ANO3: variants seen among roughly 807,000 people sequenced by gnomAD.
ANO3 encodes the protein anoctamin 3.
ANO3 carries 99 observed loss-of-function variants against 144.8 expected under a neutral mutation model. The observed-to-expected ratio is 0.68, with a 90% CI of 0.58 to 0.81. The LOEUF (loss-of-function observed/expected upper bound fraction) is 0.81. Ranked by LOEUF, ANO3 falls within the 30% of genes least tolerant of loss-of-function variation. The pLI, the probability that ANO3 is intolerant of heterozygous loss-of-function variation, is 0.00. For synonymous variants in ANO3, 414 were observed against 392.6 expected (o/e 1.05, Z -0.64); for missense variants, 905 against 1,202.2 (o/e 0.75, Z 3.66).
intron 1 of ANO3, among the ~76,000 whole-genome samples, chr11:26,190,968 T>C (rs992117713): frequency 6.6e-6 from 1 of 152,238 alleles, no homozygotes; most frequent in African/African-American, 2.4e-5. Context: ...TTTGTATGCA[T>C]ATTGGTTAAT....
chr11:26,588,104 G>A (rs1331436922), intron 14 of ANO3, among the ~76,000 whole-genome samples: 1 of 152,056 alleles, frequency 6.6e-6, no homozygotes, highest in Non-Finnish European at 1.5e-5. Context: ...TCTAAGAACA[G>A]TATGGTCACT....
intron 26 of ANO3, among the ~76,000 whole-genome samples, chr11:26,658,585 G>C (rs907712986): frequency 2.8e-4 from 42 of 152,074 alleles, no homozygotes; most frequent in Non-Finnish European, 5.4e-4. Flanking sequence ...ACTGTAGCCT[G>C]GGCAACAAGA....
chr11:26,402,291 G>C (rs867470557), intron 1 of ANO3, among the ~76,000 whole-genome samples: 4 of 151,760 alleles, frequency 2.6e-5, no homozygotes, highest in Non-Finnish European at 5.9e-5. Flanking sequence ...CCACAACTTC[G>C]CCAGTGTCTG....
intron 1 of ANO3, among the ~76,000 whole-genome samples, chr11:26,251,997 G>T (rs1192542077): frequency 6.6e-6 from 1 of 152,152 alleles, no homozygotes; most frequent in Non-Finnish European, 1.5e-5. Context: ...TGCAATGTAT[G>T]AAATGGTTTC....
chr11:26,564,767 A>T, intron 14 of ANO3, among the ~76,000 whole-genome samples: 1 of 98,914 alleles, frequency 1.0e-5, no homozygotes, highest in Non-Finnish European at 2.1e-5. Context: ...ATATATATAT[A>T]TATATATATA....
intron 17 of ANO3, among the ~76,000 whole-genome samples, chr11:26,606,100 T>C (rs1851928317): frequency 6.6e-6 from 1 of 152,260 alleles, no homozygotes; most frequent in South Asian, 2.1e-4. Context: ...CTGTAAATAC[T>C]GCTTTAGCTG....
At chr11:26,524,305 C>A (rs1352271819) in intron 6 of ANO3, among the ~76,000 whole-genome samples, 11 of 152,000 alleles carry the variant, frequency 7.2e-5, no homozygotes, top group Admixed American at 6.6e-4. Context: ...TTTCAATGTT[C>A]CATATTTGAA....
In ANO3 at chr11:26,541,997, C is replaced by G. The variant is rs1423262457; in HGVS notation, c.1083C>G (p.Asn361Lys). ...QPIKTHGPQN[N>K]RHLLYERWAR... ...TTAAAACCCATGGACCTCAGAATAACAGACATCTATTATATGAGCGCTGGG... is the reference window on the plus strand; with the variant it reads ...TTAAAACCCATGGACCTCAGAATAAGAGACATCTATTATATGAGCGCTGGG... Residue 361 changes from asparagine (N) to lysine (K), a missense_variant, in exon 11 of 27, where the codon AAC becomes AAG. Around this residue, in one of 4 missense-constraint regions of ANO3, gnomAD observed 597 missense variants for 865.1 expected, o/e 0.69. Coordinates refer to ENST00000256737, the MANE Select transcript of ANO3 (RefSeq NM_031418.4). 1 of 1,612,760 alleles carries G rather than the reference C, an allele frequency of 6.2e-7. No homozygotes were observed. Among genetic ancestry groups the G allele is most frequent in the Non-Finnish European group, 8.5e-7 (1 of 1,179,130 alleles).
chr11:26,366,906 A>C (rs1236972340), intron 1 of ANO3, among the ~76,000 whole-genome samples: 1 of 152,070 alleles, frequency 6.6e-6, no homozygotes, highest in Admixed American at 6.6e-5. Flanking sequence ...AGGTTGCAAA[A>C]ATTTATAGAC....
upstream of ANO3, among the ~76,000 whole-genome samples, chr11:26,329,766 G>C (rs1854988848): frequency 6.6e-6 from 1 of 152,052 alleles, no homozygotes. Context: ...TCTTAGGAAG[G>C]TAAAGGTGAT....
intron 12 of ANO3, among the ~76,000 whole-genome samples, chr11:26,551,180 G>A (rs1352672031): frequency 6.6e-6 from 1 of 151,866 alleles, no homozygotes; most frequent in Non-Finnish European, 1.5e-5. Flanking sequence ...TCAAGTGAGT[G>A]GGTCCAAACA....
chr11:26,245,018 T>TGCGCGTGC (rs1554928313), intron 1 of ANO3, among the ~76,000 whole-genome samples: 117 of 145,426 alleles, frequency 8.0e-4, no homozygotes, highest in African/African-American at 2.8e-3. Flanking sequence ...TGTGTGTGTG[T>TGCGCGTGC]GTGCATGCAT....
chr11:26,276,184 G>A (rs1353186493), intron 1 of ANO3, among the ~76,000 whole-genome samples: 2 of 151,862 alleles, frequency 1.3e-5, no homozygotes, highest in Non-Finnish European at 2.9e-5. Flanking sequence ...TTTTCATATC[G>A]GTATCCCAAA....
intron 1 of ANO3, among the ~76,000 whole-genome samples, chr11:26,261,894 G>A (rs1486345932): frequency 2.6e-5 from 4 of 152,034 alleles, no homozygotes; most frequent in African/African-American, 9.7e-5. Context: ...AAAACAATAT[G>A]CACCATATGC....
chr11:26,563,067 T>C, intron 14 of ANO3: 1 of 1,591,508 alleles, frequency 6.3e-7, no homozygotes, highest in Non-Finnish European at 8.5e-7. Flanking sequence ...GGCATCCTCA[T>C]TTAATTAAAA....
intron 4 of ANO3, among the ~76,000 whole-genome samples, chr11:26,493,943 GT>G (rs1860820933): frequency 6.6e-6 from 1 of 152,076 alleles, no homozygotes; most frequent in South Asian, 2.1e-4. Context: ...CCTAGATTAG[GT>G]TTAATTTAAG....
intron 14 of ANO3, among the ~76,000 whole-genome samples, chr11:26,596,247 T>G (rs186718361): frequency 1.6e-4 from 24 of 152,232 alleles, no homozygotes; most frequent in African/African-American, 5.8e-4. Context: ...TGTTTCTTCC[T>G]CTCTCTCTCC....
chr11:26,634,594 T>G (rs964422282), intron 19 of ANO3, among the ~76,000 whole-genome samples: 1 of 152,196 alleles, frequency 6.6e-6, no homozygotes, highest in Non-Finnish European at 1.5e-5. Context: ...TTTTCCACCT[T>G]TAGTGCAAAA....
intron 18 of ANO3, among the ~76,000 whole-genome samples, chr11:26,629,975 G>A (rs1048663661): frequency 6.6e-6 from 1 of 152,154 alleles, no homozygotes; most frequent in South Asian, 2.1e-4. Context: ...GGGATTTTAA[G>A]TAAAAATAGT....
Sources: gnomAD v4.1 joint callset for allele counts (sites outside exome capture counted in the v4.1 genomes callset) on GRCh38, gnomAD v4.1.1 for gene constraint, gnomAD v4.1.1 regional missense constraint, MANE v1.5 for transcripts, NCBI Gene and HGNC (gene_info 2026-07-23, HGNC 2026-07-21) for gene names.